Variants in NEBL observed in about 807,000 individuals in gnomAD.
NEBL encodes nebulette.
NEBL carries 122 observed loss-of-function variants against 140.2 expected under a neutral mutation model. The observed-to-expected ratio is 0.87, with a 90% CI of 0.75 to 1.01. The LOEUF is 1.01. NEBL is among the 50% of genes least tolerant of loss of function. The pLI is 0.00. For synonymous variants in NEBL, 436 were observed against 398.9 expected (o/e 1.09, Z -1.11); for missense variants, 1,365 against 1,231.3 (o/e 1.11, Z -1.62).
chr10:21,164,405 A>G (rs1418518062), intron 2 of NEBL, among the ~76,000 whole-genome samples: 2 of 152,218 alleles, frequency 1.3e-5, no homozygotes, highest in Admixed American at 1.3e-4. Context: ...CTCGTCTGAA[A>G]ACATTTAAAG....
intron 2 of NEBL, among the ~76,000 whole-genome samples, chr10:21,076,410 A>ACTCCAGTC (rs1420133503): frequency 2.8e-4 from 38 of 135,232 alleles, no homozygotes; most frequent in African/African-American, 9.7e-4. Context: ...GTGCCACTGC[A>ACTCCAGTC]CTCCAGTCTG....
chr10:21,204,051 T>G (rs948162332), intron 3 of NEBL, among the ~76,000 whole-genome samples: 2 of 152,174 alleles, frequency 1.3e-5, no homozygotes, highest in Non-Finnish European at 2.9e-5. Context: ...GACAAGCTGT[T>G]TATCGGAGAT....
At chr10:21,062,983 G>A (rs1272765896) in intron 2 of NEBL, among the ~76,000 whole-genome samples, 1 of 152,134 alleles carries the variant, frequency 6.6e-6, no homozygotes, top group Non-Finnish European at 1.5e-5. Flanking sequence ...TTGCTACAGA[G>A]GAGACCTGGA....
intron 12 of NEBL, chr10:20,841,605 G>A (rs547785728): frequency 1.3e-5 from 2 of 151,936 alleles, no homozygotes; most frequent in Non-Finnish European, 1.5e-5. Flanking sequence ...GGAATCTATG[G>A]CTCACGATGA....
intron 3 of NEBL, among the ~76,000 whole-genome samples, chr10:21,236,472 C>T (rs1404759611): frequency 1.3e-5 from 2 of 151,612 alleles, no homozygotes; most frequent in Non-Finnish European, 2.9e-5. Context: ...CTCAGCCTTC[C>T]GAGTAGCTGG....
chr10:21,113,723 T>C (rs1260846113), intron 2 of NEBL, among the ~76,000 whole-genome samples: 1 of 152,106 alleles, frequency 6.6e-6, no homozygotes, highest in Non-Finnish European at 1.5e-5. Context: ...GTATGGAATG[T>C]TAACATTCCA....
chr10:20,872,743 G>A (rs1444701516), intron 5 of NEBL, among the ~76,000 whole-genome samples: 4 of 152,160 alleles, frequency 2.6e-5, no homozygotes, highest in East Asian at 1.9e-4. Context: ...CCAAGATGGC[G>A]ACGAGAGTGA....
chr10:21,102,777 G>A (rs1188030023), intron 2 of NEBL, among the ~76,000 whole-genome samples: 1 of 152,192 alleles, frequency 6.6e-6, no homozygotes, highest in African/African-American at 2.4e-5. Flanking sequence ...ATGCATGTTT[G>A]TGTACAAGTC....
chr10:20,823,526 T>A (rs1839554798), intron 18 of NEBL, among the ~76,000 whole-genome samples: 1 of 152,160 alleles, frequency 6.6e-6, no homozygotes, highest in Non-Finnish European at 1.5e-5. Context: ...CTATAGGAGT[T>A]TTTTAAGTAA....
intron 3 of NEBL, among the ~76,000 whole-genome samples, chr10:21,202,003 G>C (rs1183380183): frequency 6.6e-6 from 1 of 152,090 alleles, no homozygotes; most frequent in Non-Finnish European, 1.5e-5. Flanking sequence ...GGCATCCTTT[G>C]GGTATTTTGC....
At chr10:20,999,612 A>G (rs941080918) in intron 3 of NEBL, among the ~76,000 whole-genome samples, 1 of 152,132 alleles carries the variant, frequency 6.6e-6, no homozygotes, top group African/African-American at 2.4e-5. Flanking sequence ...TCACAAAAGA[A>G]AAAAGAAAAA....
At chr10:20,896,844 T>C in intron 2 of NEBL, 114 bp downstream of exon 2, 1 of 923,424 alleles carries the variant, frequency 1.1e-6, no homozygotes, top group East Asian at 2.4e-5. Context: ...ATCTGGAAAG[T>C]GACTGTGTTT....
At chr10:21,215,345 A>C (rs1205360295) in intron 3 of NEBL, among the ~76,000 whole-genome samples, 3 of 152,150 alleles carry the variant, frequency 2.0e-5, no homozygotes, top group Non-Finnish European at 4.4e-5. Flanking sequence ...GCACAAATGA[A>C]GAATATGTGT....
At chr10:20,795,232 T>C (rs1006946879) in intron 26 of NEBL, among the ~76,000 whole-genome samples, 1 of 151,804 alleles carries the variant, frequency 6.6e-6, no homozygotes, top group Non-Finnish European at 1.5e-5. Context: ...GCAGTAGAAG[T>C]GAGAAAGAGG....
At chr10:21,218,982 C>T (rs771357269) in intron 3 of NEBL, among the ~76,000 whole-genome samples, 6 of 152,230 alleles carry the variant, frequency 3.9e-5, no homozygotes, top group Non-Finnish European at 8.8e-5. Context: ...GAACCTTATG[C>T]CCTGCTTTTA....
chr10:21,009,079 A>C (rs1166749730), intron 3 of NEBL, among the ~76,000 whole-genome samples: 1 of 152,116 alleles, frequency 6.6e-6, no homozygotes, highest in Non-Finnish European at 1.5e-5. Context: ...TATATAACAG[A>C]TATGTTCTCT....
intron 1 of NEBL, among the ~76,000 whole-genome samples, chr10:21,276,098 G>A (rs531287352): frequency 1.3e-5 from 2 of 151,536 alleles, no homozygotes; most frequent in Non-Finnish European, 2.9e-5. Context: ...AGCCTCCTGA[G>A]TAGATGAAAC....
intron 4 of NEBL, among the ~76,000 whole-genome samples, chr10:20,932,658 T>C (rs1834252160): frequency 6.6e-6 from 1 of 152,192 alleles, no homozygotes; most frequent in Non-Finnish European, 1.5e-5. Context: ...TAAAATAGCA[T>C]TTTCTAAAAA....
intron 3 of NEBL, among the ~76,000 whole-genome samples, chr10:21,187,030 A>G (rs921224774): frequency 2.8e-5 from 4 of 144,286 alleles, no homozygotes; most frequent in East Asian, 2.2e-4. Context: ...GTGTGTGTGT[A>G]TACATATGTA....
Sources: gnomAD v4.1 joint callset for allele counts (sites outside exome capture counted in the v4.1 genomes callset) on GRCh38, gnomAD v4.1.1 for gene constraint, MANE v1.5 for transcripts, NCBI Gene and HGNC (gene_info 2026-07-23, HGNC 2026-07-21) for gene names.